The following DCLK2 variants were observed in gnomAD, a reference collection of about 807,000 sequenced individuals.
DCLK2 encodes serine/threonine-protein kinase DCLK2.
A neutral mutation model predicts 78.4 loss-of-function variants in DCLK2; 31 were observed. The observed-to-expected ratio is 0.40, with a 90% CI of 0.30 to 0.53. DCLK2 has a LOEUF of 0.53. DCLK2 is among the 20% of genes least tolerant of loss of function. DCLK2 has a pLI of 0.61. For synonymous variants in DCLK2, 407 were observed against 374.9 expected (o/e 1.09, Z -0.99); for missense variants, 872 against 973.7 (o/e 0.90, Z 1.39).
In DCLK2 at chr4:150,104,448, A is replaced by G. The variant is rs537649679; in HGVS notation, c.756+1636A>G. On this transcript the variant is annotated intron_variant, in intron 2 of 15. Coordinates refer to ENST00000296550, the MANE Select transcript of DCLK2 (RefSeq NM_001040260.4). ...ATCGAGCATCTAATTCAAATATCTAATTGAAATAGTAACCATTGAAATTTA... is the reference window on the plus strand; with the variant it reads ...ATCGAGCATCTAATTCAAATATCTAGTTGAAATAGTAACCATTGAAATTTA... 2.0e-5 allele frequency among the ~76,000 whole-genome samples: 3 copies of G among 149,700 alleles called. No individual in the cohort carries two copies. In the East Asian group the frequency reaches 5.8e-4, roughly 29 times the overall value.
At chr4:150,187,082 G>A (rs866465867) in intron 2 of DCLK2, among the ~76,000 whole-genome samples, 38 of 152,242 alleles carry the variant, frequency 2.5e-4, no homozygotes, top group African/African-American at 7.0e-4. Flanking sequence ...AAAAATGTTC[G>A]TATTTTGCAT....
At chr4:150,115,099 C>A (rs1174588669) in intron 2 of DCLK2, among the ~76,000 whole-genome samples, 1 of 151,858 alleles carries the variant, frequency 6.6e-6, no homozygotes, top group African/African-American at 2.4e-5. Context: ...TTACTTTTTC[C>A]TTGTTGGATT....
chr4:150,210,764 A>G (rs2126485255), intron 5 of DCLK2, among the ~76,000 whole-genome samples: 1 of 152,076 alleles, frequency 6.6e-6, no homozygotes, highest in South Asian at 2.1e-4. Context: ...CCTGGCCAAA[A>G]TGGTGAAACC....
intron 2 of DCLK2, among the ~76,000 whole-genome samples, chr4:150,169,699 CAGTG>C (rs1178383746): frequency 2.4e-4 from 37 of 151,208 alleles, no homozygotes; most frequent in African/African-American, 8.8e-4. Context: ...CTCTACTCTG[CAGTG>C]TGGGCACACA....
At position 150,102,502 on chromosome 4, in the gene DCLK2, A is replaced by G. The variant is rs1279660722; in HGVS notation, c.446A>G (p.Asn149Ser). Residue 149 changes from asparagine to serine, a missense_variant, in exon 2 of 16, where the codon AAT becomes AGT. Physicochemically the swap from Asn to Ser is conservative, Grantham distance 46. This residue lies in a region of DCLK2 where 567 missense variants were observed against 593.4 expected (regional missense o/e 0.96). Transcript: ENST00000296550. ...LEGESYVCAS[N>S]EPFRKVDYTK... Reference sequence around the variant, plus strand: ...GGTGAGAGTTACGTGTGTGCATCCAATGAACCATTTCGTAAAGTCGATTAC... The same window carrying G: ...GGTGAGAGTTACGTGTGTGCATCCAGTGAACCATTTCGTAAAGTCGATTAC... The G allele has an allele frequency of 6.2e-7, 1 of 1,613,846 alleles. No individual in the cohort carries two copies. Among genetic ancestry groups the G allele is most frequent in the Admixed American group, 1.7e-5 (1 of 60,000 alleles).
chr4:150,190,459 A>G (rs932270617), intron 2 of DCLK2, among the ~76,000 whole-genome samples: 2 of 152,222 alleles, frequency 1.3e-5, no homozygotes, highest in African/African-American at 2.4e-5. Flanking sequence ...ACCATGGACT[A>G]TTCAGCTATA....
intron 15 of DCLK2, 42 bp downstream of exon 15, chr4:150,249,726 C>T: frequency 1.3e-6 from 2 of 1,548,632 alleles, no homozygotes; most frequent in Non-Finnish European, 8.9e-7. Flanking sequence ...GCGGAGCCGG[C>T]CTTGAAGTTT....
At chr4:150,252,511 C>T (rs923487312) in intron 15 of DCLK2, among the ~76,000 whole-genome samples, 7 of 152,174 alleles carry the variant, frequency 4.6e-5, no homozygotes, top group East Asian at 1.9e-4. Flanking sequence ...GGCCTGTGCC[C>T]GGCCTCTTTA....
At chr4:150,203,540 T>C (rs1371167027) in intron 4 of DCLK2, among the ~76,000 whole-genome samples, 4 of 152,120 alleles carry the variant, frequency 2.6e-5, no homozygotes, top group African/African-American at 9.7e-5. Context: ...CCATAATGTC[T>C]TCTATATTTG....
chr4:150,146,831 G>T (rs745434369), intron 2 of DCLK2, among the ~76,000 whole-genome samples: 22 of 152,130 alleles, frequency 1.4e-4, no homozygotes, highest in Non-Finnish European at 2.4e-4. Context: ...GTCATAGAGT[G>T]AAGATAGGGT....
At chr4:150,123,705 G>C (rs1395759418) in intron 2 of DCLK2, among the ~76,000 whole-genome samples, 1 of 152,144 alleles carries the variant, frequency 6.6e-6, no homozygotes, top group Non-Finnish European at 1.5e-5. Flanking sequence ...AGATATCCCT[G>C]TGTTTGCCTT....
intron 12 of DCLK2, 39 bp downstream of exon 12, chr4:150,240,515 G>C: frequency 1.3e-6 from 2 of 1,512,784 alleles, no homozygotes; most frequent in Non-Finnish European, 1.8e-6. Context: ...AATTGCAAAT[G>C]TTCTCCCTTG....
intron 2 of DCLK2, among the ~76,000 whole-genome samples, chr4:150,151,932 AAAAAT>A (rs1734928501): frequency 6.8e-6 from 1 of 146,092 alleles, no homozygotes; most frequent in Non-Finnish European, 1.5e-5. Flanking sequence ...CTCAAAAAAA[AAAAAT>A]AATAATAATT....
intron 2 of DCLK2, among the ~76,000 whole-genome samples, chr4:150,139,390 G>A (rs1030455657): frequency 1.3e-5 from 2 of 152,162 alleles, no homozygotes; most frequent in Admixed American, 6.5e-5. Context: ...GTGTGTAAAA[G>A]GAGTATCCGT....
intron 2 of DCLK2, among the ~76,000 whole-genome samples, chr4:150,143,046 C>T (rs1580586711): frequency 6.6e-6 from 1 of 152,104 alleles, no homozygotes; most frequent in East Asian, 1.9e-4. Flanking sequence ...GCATTTTTAT[C>T]TTTCTATGTT....
chr4:150,175,032 A>T (rs1221968109), intron 2 of DCLK2, among the ~76,000 whole-genome samples: 2 of 46,764 alleles, frequency 4.3e-5, no homozygotes, highest in African/African-American at 7.8e-5. Context: ...ATATATATAT[A>T]TTTATATATA....
intron 10 of DCLK2, among the ~76,000 whole-genome samples, chr4:150,237,934 A>AAAT (rs1742630278): frequency 6.6e-6 from 1 of 152,002 alleles, no homozygotes; most frequent in African/African-American, 2.4e-5. Flanking sequence ...TCCAAGAGAC[A>AAAT]AATAGACTAT....
chr4:150,080,847 T>G (rs1489937937), intron 1 of DCLK2, among the ~76,000 whole-genome samples: 1 of 152,232 alleles, frequency 6.6e-6, no homozygotes, highest in African/African-American at 2.4e-5. Context: ...AAATTGTCTC[T>G]TCAGTCTACA....
chr4:150,205,978 T>C (rs933457150), intron 5 of DCLK2, among the ~76,000 whole-genome samples: 3 of 152,182 alleles, frequency 2.0e-5, no homozygotes, highest in African/African-American at 7.2e-5. Context: ...TCTTGGTCAC[T>C]TCCCCATTTT....
Sources: gnomAD v4.1 joint callset for allele counts (sites outside exome capture counted in the v4.1 genomes callset) on GRCh38, gnomAD v4.1.1 for gene constraint, gnomAD v4.1.1 regional missense constraint, MANE v1.5 for transcripts, NCBI Gene and HGNC (gene_info 2026-07-23, HGNC 2026-07-21) for gene names.